Variants in SIPA1L1 observed in about 807,000 individuals in gnomAD.
SIPA1L1 encodes the protein signal-induced proliferation-associated 1-like protein 1.
In SIPA1L1, 26 loss-of-function variants were observed where a neutral mutation model predicts 162.7. The observed-to-expected ratio is 0.16, with a 90% CI of 0.12 to 0.22. The LOEUF (loss-of-function observed/expected upper bound fraction) is 0.22, where lower values mean the gene tolerates loss of function less well. Among genes scored for constraint, SIPA1L1 ranks in the 10% least tolerant of loss-of-function variants. The probability of loss-of-function intolerance (pLI) is 1.00; values close to 1 mark genes in which losing one functional copy is unlikely to be tolerated. For missense variants in SIPA1L1, 1,874 were observed against 2,241.0 expected, an observed-to-expected ratio of 0.84 and a Z score of 3.31; for synonymous variants, 829 against 837.4, an observed-to-expected ratio of 0.99 and a Z score of 0.17.
At chr14:71,409,974 G>A (rs1456429856) in intron 2 of SIPA1L1, among the ~76,000 whole-genome samples, 3 of 152,142 alleles carry the variant, frequency 2.0e-5, no homozygotes, top group Non-Finnish European at 4.4e-5. Context: ...TGGCCTTCCT[G>A]TGATTATACA....
intron 2 of SIPA1L1, among the ~76,000 whole-genome samples, chr14:71,470,247 A>G (rs2047347500): frequency 6.6e-6 from 1 of 152,196 alleles, no homozygotes; most frequent in Admixed American, 6.5e-5. Context: ...CTCTCTCTGT[A>G]CTAGAAATTT....
intron 5 of SIPA1L1, among the ~76,000 whole-genome samples, chr14:71,592,246 ATTTG>A (rs1419561476): frequency 1.3e-5 from 2 of 152,216 alleles, no homozygotes; most frequent in Non-Finnish European, 2.9e-5. Flanking sequence ...CAGACAGGCA[ATTTG>A]TTACAGTATG....
intron 7 of SIPA1L1, among the ~76,000 whole-genome samples, chr14:71,642,601 GT>G (rs1205706824): frequency 6.6e-6 from 1 of 152,114 alleles, no homozygotes; most frequent in African/African-American, 2.4e-5. Flanking sequence ...CCAGAACAAA[GT>G]CAAAAATACT....
At chr14:71,650,151 C>T in intron 7 of SIPA1L1, 184 bp from the exon 8 acceptor site, 1 of 675,528 alleles carries the variant, frequency 1.5e-6, no homozygotes, top group Non-Finnish European at 2.6e-6. Flanking sequence ...TTTCTCAGTT[C>T]ATGAAGTTCG....
intron 2 of SIPA1L1, among the ~76,000 whole-genome samples, chr14:71,509,621 G>A (rs1263531026): frequency 1.3e-5 from 2 of 151,954 alleles, no homozygotes; most frequent in Non-Finnish European, 2.9e-5. Context: ...GCAGGTGCCT[G>A]TAATCCCAGC....
chr14:71,703,068 C>G (rs1397891498), intron 15 of SIPA1L1, among the ~76,000 whole-genome samples: 1 of 152,204 alleles, frequency 6.6e-6, no homozygotes, highest in Admixed American at 6.5e-5. Context: ...ATTTCTACTG[C>G]ATAGCCCTTT....
chr14:71,401,865 A>G (rs1035709567), intron 2 of SIPA1L1, among the ~76,000 whole-genome samples: 9 of 152,132 alleles, frequency 5.9e-5, no homozygotes, highest in Admixed American at 3.9e-4. Context: ...TTTTTTCTGA[A>G]AAAATATAAA....
At chr14:71,663,565 T>A (rs1249074906) in intron 10 of SIPA1L1, among the ~76,000 whole-genome samples, 1 of 152,238 alleles carries the variant, frequency 6.6e-6, no homozygotes, top group Non-Finnish European at 1.5e-5. Flanking sequence ...TAGCCACAGC[T>A]GGCTGTGGCC....
intron 4 of SIPA1L1, among the ~76,000 whole-genome samples, chr14:71,548,453 A>G (rs1180107937): frequency 1.3e-5 from 2 of 152,302 alleles, no homozygotes; most frequent in East Asian, 3.9e-4. Context: ...GATATCAGAT[A>G]AAATCAGTGT....
At position 71,646,211 on chromosome 14, in the gene SIPA1L1, C is replaced by T. The variant is rs1384090663; in HGVS notation, c.1819-4124C>T. Among the ~76,000 whole-genome samples the T allele has an allele frequency of 6.1e-5, 9 of 146,674 alleles. No individual in the cohort carries two copies. In the East Asian group the frequency reaches 1.0e-3, roughly 16 times the overall value. On this transcript the variant is annotated intron_variant, in intron 7 of 23. Coordinates refer to ENST00000381232, the MANE Select transcript of SIPA1L1 (RefSeq NM_001386936.1). ...TTTTTTTTTGAGACGGAGTCTTGCT[C>T]CGTCTCCCAGGCTGGAGTGCAGTGG...
rs537119438 is a variant in SIPA1L1 at position 71,616,008 on chromosome 14, TAAAC to T, written c.1499-2746_1499-2743del. ...GAGACTCTGTCTCAAAACAAACACATAAACAACAACAAAACCAAAAAAAGGTCTC... is the reference window on the plus strand; with the variant it reads ...GAGACTCTGTCTCAAAACAAACACATAACAACAAAACCAAAAAAAGGTCTC... On this transcript the variant is annotated intron_variant, in intron 5 of 23. Coordinates refer to ENST00000381232, the MANE Select transcript of SIPA1L1 (RefSeq NM_001386936.1). Among the ~76,000 whole-genome samples, 8 of 151,972 alleles carry T rather than the reference TAAAC, an allele frequency of 5.3e-5. No individual in the cohort carries two copies. The South Asian group carries it at 1.5e-3, about 28-fold the overall frequency.
chr14:71,579,911 GT>G (rs894829028), intron 4 of SIPA1L1, among the ~76,000 whole-genome samples: 3 of 152,070 alleles, frequency 2.0e-5, no homozygotes, highest in Non-Finnish European at 2.9e-5. Context: ...GCCCCTTCCC[GT>G]TTCCTACATA....
intron 4 of SIPA1L1, among the ~76,000 whole-genome samples, chr14:71,569,260 T>C (rs761651452): frequency 1.3e-5 from 2 of 152,150 alleles, no homozygotes; most frequent in Non-Finnish European, 2.9e-5. Flanking sequence ...TTTAGTGACG[T>C]GAAAAGAGTG....
At chr14:71,568,611 G>A (rs776503519) in intron 4 of SIPA1L1, among the ~76,000 whole-genome samples, 1 of 152,160 alleles carries the variant, frequency 6.6e-6, no homozygotes, top group Non-Finnish European at 1.5e-5. Flanking sequence ...GAAAGAATTC[G>A]AGGTGAATCC....
intron 4 of SIPA1L1, among the ~76,000 whole-genome samples, chr14:71,549,840 T>A (rs1463562069): frequency 1.3e-5 from 2 of 152,186 alleles, no homozygotes; most frequent in Non-Finnish European, 2.9e-5. Context: ...ATTGCGGAAG[T>A]TGACGGTCAT....
intron 7 of SIPA1L1, among the ~76,000 whole-genome samples, chr14:71,636,200 A>G (rs1463734773): frequency 6.6e-6 from 1 of 152,268 alleles, no homozygotes; most frequent in African/African-American, 2.4e-5. Flanking sequence ...ATCAACCAAT[A>G]GGATCTAATT....
intron 2 of SIPA1L1, among the ~76,000 whole-genome samples, chr14:71,326,415 G>A (rs2140201786): frequency 6.6e-6 from 1 of 152,004 alleles, no homozygotes; most frequent in South Asian, 2.1e-4. Context: ...CGCCATGTTG[G>A]CCAGGCTGGT....
chr14:71,337,494 C>T (rs987654218), intron 2 of SIPA1L1, among the ~76,000 whole-genome samples: 1 of 152,068 alleles, frequency 6.6e-6, no homozygotes, highest in Non-Finnish European at 1.5e-5. Flanking sequence ...AGCAAAGTTA[C>T]GTCTTACATG....
chr14:71,440,643 T>C, intron 2 of SIPA1L1, among the ~76,000 whole-genome samples: 1 of 37,466 alleles, frequency 2.7e-5, no homozygotes, highest in Non-Finnish European at 4.7e-5. Flanking sequence ...TGAGAACCCA[T>C]CTCAAAAAAA....
Sources: allele counts gnomAD v4.1 joint callset (sites outside exome capture counted in the v4.1 genomes callset), GRCh38; gene constraint gnomAD v4.1.1; transcripts MANE v1.5; gene names NCBI Gene and HGNC (gene_info 2026-07-23, HGNC 2026-07-21).